Variants in CNTN4 observed in about 807,000 individuals in gnomAD.
The protein encoded by CNTN4 is contactin 4, also known as contactin-4.
In CNTN4, 77 loss-of-function variants were observed where a neutral mutation model predicts 122.5. The ratio of observed to expected loss-of-function variants is 0.63; its 90% CI spans 0.52 to 0.76. CNTN4 has a LOEUF of 0.76. Ranked by LOEUF, CNTN4 falls within the 30% of genes least tolerant of loss-of-function variation. The probability of loss-of-function intolerance (pLI) is 0.00; values close to 1 mark genes in which losing one functional copy is unlikely to be tolerated. For missense variants in CNTN4, 1,256 were observed against 1,259.1 expected, an observed-to-expected ratio of 1.00 and a Z score of 0.04; for synonymous variants, 512 against 447.0, an observed-to-expected ratio of 1.15 and a Z score of -1.83.
intron 4 of CNTN4, among the ~76,000 whole-genome samples, chr3:2,590,044 C>T (rs922655194): frequency 2.0e-5 from 3 of 152,244 alleles, no homozygotes; most frequent in East Asian, 1.9e-4. Flanking sequence ...AATATTTGGA[C>T]GTAATTTCAA....
chr3:2,751,083 C>T (rs529654423), intron 6 of CNTN4, among the ~76,000 whole-genome samples: 5 of 152,034 alleles, frequency 3.3e-5, no homozygotes, highest in African/African-American at 4.8e-5. Context: ...GAGTGGATCA[C>T]GAGGTCAGGA....
At chr3:2,430,530 C>T (rs1230475154) in intron 3 of CNTN4, among the ~76,000 whole-genome samples, 1 of 149,742 alleles carries the variant, frequency 6.7e-6, no homozygotes, top group African/African-American at 2.5e-5. Flanking sequence ...TAGAACCTCC[C>T]CTAGTTTAGC....
intron 12 of CNTN4, among the ~76,000 whole-genome samples, chr3:2,923,197 T>C (rs1443747847): frequency 6.6e-6 from 1 of 152,198 alleles, no homozygotes; most frequent in Non-Finnish European, 1.5e-5. Context: ...AATGTCCGCC[T>C]AAAGTGATAA....
chr3:2,898,737 ACT>A (rs1245587670), intron 10 of CNTN4, among the ~76,000 whole-genome samples: 1 of 150,984 alleles, frequency 6.6e-6, no homozygotes. Context: ...TTTTTTCCTC[ACT>A]CTCTTTCAAA....
At chr3:2,250,352 C>T (rs1038612022) in intron 2 of CNTN4, among the ~76,000 whole-genome samples, 4 of 151,866 alleles carry the variant, frequency 2.6e-5, no homozygotes, top group African/African-American at 9.7e-5. Context: ...CTACGAAGAG[C>T]AGATAGAGTA....
At chr3:2,786,347 C>T (rs62232888) in intron 6 of CNTN4, among the ~76,000 whole-genome samples, 9,850 of 152,216 alleles carry the variant, frequency 0.065, 338 homozygotes, top group Non-Finnish European at 0.071. Flanking sequence ...TCCGGGGCTC[C>T]GGGGCCACAG....
intron 3 of CNTN4, among the ~76,000 whole-genome samples, chr3:2,430,731 T>A (rs2048037908): frequency 6.6e-6 from 1 of 152,130 alleles, no homozygotes; most frequent in African/African-American, 2.4e-5. Context: ...CCTAATCAGT[T>A]TTTGGAAAAG....
chr3:2,194,412 G>T (rs1193660495), intron 2 of CNTN4, among the ~76,000 whole-genome samples: 3 of 152,112 alleles, frequency 2.0e-5, no homozygotes, highest in Admixed American at 1.3e-4. Flanking sequence ...AGGAAACCAT[G>T]ATCGCGCCAC....
At chr3:2,994,995 T>C (rs549163388) in intron 14 of CNTN4, among the ~76,000 whole-genome samples, 4 of 152,320 alleles carry the variant, frequency 2.6e-5, no homozygotes, top group Non-Finnish European at 2.9e-5. Flanking sequence ...TGGGTGATAA[T>C]TAAGGGTATT....
chr3:2,488,192 T>G (rs2076216744), intron 3 of CNTN4, among the ~76,000 whole-genome samples: 4 of 152,252 alleles, frequency 2.6e-5, no homozygotes, highest in Admixed American at 2.6e-4. Flanking sequence ...TGCAGAGGTT[T>G]GACAATTAGC....
intron 3 of CNTN4, among the ~76,000 whole-genome samples, chr3:2,427,053 T>C (rs1435736951): frequency 6.6e-6 from 1 of 152,200 alleles, no homozygotes. Context: ...TTGAAGGGTT[T>C]TTTGTGTCTC....
At chr3:2,941,531 C>T (rs1297009290) in intron 13 of CNTN4, among the ~76,000 whole-genome samples, 1 of 152,204 alleles carries the variant, frequency 6.6e-6, no homozygotes, top group African/African-American at 2.4e-5. Flanking sequence ...TGTTTCATCA[C>T]CCCATTTATC....
At chr3:2,566,270 T>G (rs2079155144) in intron 3 of CNTN4, among the ~76,000 whole-genome samples, 1 of 152,234 alleles carries the variant, frequency 6.6e-6, no homozygotes, top group South Asian at 2.1e-4. Context: ...GTATTTGAAG[T>G]ATGAAGACAT....
intron 2 of CNTN4, among the ~76,000 whole-genome samples, chr3:2,331,459 C>G (rs926418213): frequency 2.0e-5 from 3 of 152,068 alleles, no homozygotes; most frequent in African/African-American, 7.2e-5. Flanking sequence ...AGTAACAAAC[C>G]CCATCTTCCC....
chr3:2,214,625 T>A (rs535068782), intron 2 of CNTN4, among the ~76,000 whole-genome samples: 1 of 152,080 alleles, frequency 6.6e-6, no homozygotes, highest in African/African-American at 2.4e-5. Flanking sequence ...AAAGTACAAT[T>A]TGACAACAAA....
chr3:2,996,339 C>G (rs1302199173), intron 14 of CNTN4, among the ~76,000 whole-genome samples: 1 of 152,044 alleles, frequency 6.6e-6, no homozygotes, highest in African/African-American at 2.4e-5. Context: ...GGTCAGAATC[C>G]TACATGGTCA....
At chr3:2,772,716 G>C (rs1334115476) in intron 6 of CNTN4, among the ~76,000 whole-genome samples, 1 of 152,158 alleles carries the variant, frequency 6.6e-6, no homozygotes, top group Non-Finnish European at 1.5e-5. Flanking sequence ...TTGAATATAT[G>C]AGAAATACTA....
chr3:2,469,266 C>A (rs931716097), intron 3 of CNTN4, among the ~76,000 whole-genome samples: 1 of 152,100 alleles, frequency 6.6e-6, no homozygotes, highest in African/African-American at 2.4e-5. Context: ...TTAAGTATGG[C>A]AATTATTTCT....
intron 13 of CNTN4, among the ~76,000 whole-genome samples, chr3:2,938,252 C>G (rs1037005826): frequency 6.6e-6 from 1 of 151,956 alleles, no homozygotes; most frequent in Admixed American, 6.6e-5. Context: ...TCATGGTTAT[C>G]TTGTGGCCAT....
Sources: gnomAD v4.1 joint callset for allele counts (sites outside exome capture counted in the v4.1 genomes callset) on GRCh38, gnomAD v4.1.1 for gene constraint, MANE v1.5 for transcripts, NCBI Gene and HGNC (gene_info 2026-07-23, HGNC 2026-07-21) for gene names.